NPC1: variants seen among roughly 807,000 people sequenced by gnomAD.
NPC1 encodes the protein Niemann-Pick C1 protein.
NPC1 carries 85 observed loss-of-function variants against 140.4 expected under a neutral mutation model. The ratio of observed to expected loss-of-function variants is 0.61; its 90% CI spans 0.51 to 0.72. The LOEUF (loss-of-function observed/expected upper bound fraction) is 0.72, where lower values mean the gene tolerates loss of function less well. NPC1 is among the 30% of genes least tolerant of loss of function. The pLI, the probability that NPC1 is intolerant of heterozygous loss-of-function variation, is 0.00. For missense variants in NPC1, 1,504 were observed against 1,623.8 expected (o/e 0.93, Z 1.27); for synonymous variants, 656 against 624.8 (o/e 1.05, Z -0.74).
chr18:23,524,003 T>C (rs2058220924), intron 1 of NPC1: 2 of 1,067,680 alleles, frequency 1.9e-6, no homozygotes, highest in Non-Finnish European at 2.8e-6. Context: ...AGTTCATTTC[T>C]TCCTTGACTA....
chr18:23,539,282 T>A, intron 19 of NPC1, 73 bp downstream of exon 19: 1 of 1,022,360 alleles, frequency 9.8e-7, no homozygotes. Context: ...TGAGGCACGA[T>A]GCAAATGATT....
At chr18:23,521,504 C>CG (rs576493152), downstream of NPC1, among the ~76,000 whole-genome samples, 175 of 152,230 alleles carry the variant, frequency 1.1e-3, no homozygotes, top group Admixed American at 4.2e-3. Context: ...GTAAGTGCTT[C>CG]GGCTGTGGCT....
intron 4 of NPC1, 92 bp downstream of exon 4, chr18:23,568,731 T>C: frequency 9.6e-7 from 1 of 1,042,870 alleles, no homozygotes; most frequent in Admixed American, 1.8e-5. Context: ...AAAATTGTGA[T>C]TTTCCAGAGT....
At chr18:23,535,754 C>CA in intron 21 of NPC1, 54 bp from the exon 22 acceptor site, 2 of 1,151,242 alleles carry the variant, frequency 1.7e-6, no homozygotes, top group Non-Finnish European at 1.3e-6. Context: ...CCGAACACTG[C>CA]GTGTTCATCC....
chr18:23,543,559 C>T lies in NPC1; in HGVS notation c.2141G>A (p.Arg714His), dbSNP rs375047023. The change falls in exon 14 of 25, where the codon CGT becomes CAT. Residue 714 changes from arginine to histidine, a missense_variant. Coordinates refer to ENST00000269228, the MANE Select transcript of NPC1 (RefSeq NM_000271.5). ...ILVQAYQRDERLQGETLDQQL... is the reference protein window; with the variant it reads ...ILVQAYQRDEHLQGETLDQQL... ...CTGATCCAGGGTTTCCCCTTGAAGA[C>T]GTTCATCTCTCTTAAAAAAAAAAAA... is the stretch of plus-strand genomic sequence containing the variant. The T allele has an allele frequency of 5.2e-5, 79 of 1,532,954 alleles. No homozygotes were observed. In the Admixed American group the frequency reaches 5.7e-4, roughly 11 times the overall value. The allele number at this position is 1,532,954 out of a possible 1,614,324, so 95.0% of individuals were successfully genotyped here.
downstream of NPC1, among the ~76,000 whole-genome samples, chr18:23,519,850 A>AT (rs150804622): frequency 5.1e-3 from 780 of 152,186 alleles, 6 homozygotes; most frequent in African/African-American, 0.018. Flanking sequence ...TGGGCCTCTG[A>AT]TATAAAGAAG....
At chr18:23,536,934 T>C (rs1388680046) in intron 20 of NPC1, 58 bp from the exon 21 acceptor site, 1 of 1,436,870 alleles carries the variant, frequency 7.0e-7, no homozygotes, top group Non-Finnish European at 9.7e-7. Flanking sequence ...ATCAGCAGAA[T>C]CTGAGCACTT....
intron 3 of NPC1, among the ~76,000 whole-genome samples, chr18:23,571,573 CTTG>C (rs2059203424): frequency 6.6e-6 from 1 of 151,886 alleles, no homozygotes; most frequent in Non-Finnish European, 1.5e-5. Flanking sequence ...AGGAGAATCG[CTTG>C]AACCCGGGAG....
chr18:23,516,052 G>A, intron 3 of NPC1: 4 of 1,610,936 alleles, frequency 2.5e-6, no homozygotes, highest in Non-Finnish European at 3.4e-6. Flanking sequence ...CCCTGTTCCT[G>A]TAGCATCCTA....
chr18:23,523,438 C>T (rs913639822), intron 1 of NPC1, among the ~76,000 whole-genome samples: 5 of 144,018 alleles, frequency 3.5e-5, no homozygotes, highest in African/African-American at 1.3e-4. Flanking sequence ...TGGCTGGGCA[C>T]AGTGGCTCAT....
intron 3 of NPC1, among the ~76,000 whole-genome samples, chr18:23,513,973 G>A (rs779185648): frequency 1.1e-4 from 16 of 152,220 alleles, no homozygotes; most frequent in Non-Finnish European, 2.9e-5. Context: ...TCCGGAGGTT[G>A]CCTTTCCACT....
chr18:23,509,238 G>A, intron 3 of NPC1: 1 of 1,467,048 alleles, frequency 6.8e-7, no homozygotes, highest in Non-Finnish European at 9.0e-7. Context: ...TAGTTCAACT[G>A]AAATTGTCTT....
At chr18:23,565,233 A>G (rs1598994806) in intron 4 of NPC1, among the ~76,000 whole-genome samples, 1 of 152,260 alleles carries the variant, frequency 6.6e-6, no homozygotes, top group African/African-American at 2.4e-5. Flanking sequence ...CTGAATCTAT[A>G]AAACAATTTG....
intron 1 of NPC1, among the ~76,000 whole-genome samples, chr18:23,579,629 G>A (rs1030548271): frequency 9.9e-5 from 15 of 152,152 alleles, no homozygotes; most frequent in African/African-American, 3.1e-4. Context: ...AGTGGCTCAT[G>A]CCTGTAATCC....
downstream of NPC1, chr18:23,529,556 T>TG (rs2058421316): frequency 6.6e-6 from 9 of 1,354,502 alleles, no homozygotes; most frequent in South Asian, 8.4e-5. Context: ...GGAAACAAGG[T>TG]GGGGGTTGGA....
In NPC1 at chr18:23,532,196, A is replaced by G; in HGVS notation, c.*6T>C. The G allele has an allele frequency of 6.2e-7, 1 of 1,614,150 alleles. No individual in the cohort carries two copies. The stretch of plus-strand genomic sequence containing the variant: ...CACAGTTCAGTCAGGATGCCCTGCG[A>G]GAGGGCTAGAAATTTAGAAGCCGTT... On this transcript the variant is annotated 3_prime_UTR_variant, in exon 25 of 25. Coordinates refer to ENST00000269228, the MANE Select transcript of NPC1 (RefSeq NM_000271.5).
chr18:23,530,387 C>T (rs866254778), downstream of NPC1: 3 of 1,614,138 alleles, frequency 1.9e-6, no homozygotes, highest in Non-Finnish European at 2.5e-6. Flanking sequence ...TTACTGCTAG[C>T]GACTTTCAAC....
intron 8 of NPC1, among the ~76,000 whole-genome samples, chr18:23,555,255 C>A (rs1204455738): frequency 6.6e-6 from 1 of 152,274 alleles, no homozygotes. Flanking sequence ...ATAGGACACA[C>A]AACCATCTCC....
downstream of NPC1, chr18:23,526,692 C>T (rs1439408212): frequency 1.2e-6 from 2 of 1,614,156 alleles, no homozygotes; most frequent in Non-Finnish European, 1.7e-6. Flanking sequence ...TCTTACCAGA[C>T]AAAGGAAGAC....
Sources: gnomAD v4.1 joint callset for allele counts (sites outside exome capture counted in the v4.1 genomes callset) on GRCh38, gnomAD v4.1.1 for gene constraint, MANE v1.5 for transcripts, NCBI Gene and HGNC (gene_info 2026-07-23, HGNC 2026-07-21) for gene names.